Variants in THSD7A observed in about 807,000 individuals in gnomAD.
THSD7A encodes the protein thrombospondin type 1 domain containing 7A.
Under a neutral mutation model 231.3 loss-of-function variants are expected in THSD7A, and 96 were observed. The ratio of observed to expected loss-of-function variants is 0.41; its 90% CI spans 0.35 to 0.49. The LOEUF is 0.49. Among genes scored for constraint, THSD7A ranks in the 20% least tolerant of loss-of-function variants. The pLI, the probability that THSD7A is intolerant of heterozygous loss-of-function variation, is 0.05. For missense variants in THSD7A, 2,290 were observed against 2,070.2 expected (o/e 1.11, Z -2.06); for synonymous variants, 940 against 743.3 (o/e 1.26, Z -4.30).
rs551283791 is a variant in THSD7A, at chr7:11,667,619, A to G, written c.191-30658T>C. On this transcript the variant is annotated intron_variant, in intron 1 of 27. Coordinates refer to ENST00000423059, the MANE Select transcript of THSD7A (RefSeq NM_015204.3). ...CTTATAGACTATGACCACATTACAA[A>G]AATAGACTTCTGATGAAGGAGAGGT... Among the ~76,000 whole-genome samples the G allele has an allele frequency of 1.4e-4, 21 of 152,310 alleles. No homozygotes were observed. In the Middle Eastern group the frequency reaches 0.02, roughly 148 times the overall value.
intron 8 of THSD7A, among the ~76,000 whole-genome samples, chr7:11,473,336 G>T (rs1786013002): frequency 6.6e-6 from 1 of 152,048 alleles, no homozygotes; most frequent in African/African-American, 2.4e-5. Context: ...TTTATTGAGT[G>T]CTTAGATTAC....
intron 6 of THSD7A, among the ~76,000 whole-genome samples, chr7:11,486,694 C>T (rs1018573678): frequency 1.3e-5 from 2 of 152,142 alleles, no homozygotes; most frequent in Admixed American, 6.5e-5. Flanking sequence ...TGCTTCTCTT[C>T]GTGTATTCAT....
rs749119929 is a variant in THSD7A, at chr7:11,446,288, T to C, written c.2837A>G (p.His946Arg). 4.3e-6 allele frequency: 7 copies of C among 1,612,500 alleles called. No homozygotes were observed. In the South Asian group the frequency reaches 5.5e-5, roughly 13 times the overall value. Reference protein sequence around the residue: ...SKKKEKCKNSHLYPLIETQYC... With the variant: ...SKKKEKCKNSRLYPLIETQYC... The stretch of plus-strand genomic sequence containing the variant: ...CTGAGTCTCAATCAGGGGATACAAA[T>C]GGGAATTTTTACATTTTTCCTTCTT... Residue 946 changes from histidine to arginine, a missense_variant, in exon 13 of 28, where the codon CAT becomes CGT. His to Arg is a conservative substitution (Grantham distance 29). Transcript: ENST00000423059. This position sits in a 1 kb window ranked among gnomAD's most constrained non-coding sequence, Gnocchi z 4.0.
intron 2 of THSD7A, among the ~76,000 whole-genome samples, chr7:11,596,323 C>G (rs145974075): frequency 6.6e-6 from 1 of 152,188 alleles, no homozygotes; most frequent in Non-Finnish European, 1.5e-5. Flanking sequence ...GGACCCAAAA[C>G]ATCACTGTGG....
intron 1 of THSD7A, among the ~76,000 whole-genome samples, chr7:11,750,180 C>A (rs1782451959): frequency 6.6e-6 from 1 of 151,606 alleles, no homozygotes; most frequent in African/African-American, 2.4e-5. Context: ...TTCGATGAGA[C>A]AAGCATGTAG....
At chr7:11,543,844 T>C (rs26) in intron 4 of THSD7A, among the ~76,000 whole-genome samples, 99,475 of 151,946 alleles carry the variant, frequency 0.65, 32,976 homozygotes, top group Admixed American at 0.79. Context: ...AGTTTGGCTC[T>C]TTTGTATATA....
intron 4 of THSD7A, among the ~76,000 whole-genome samples, chr7:11,579,715 G>T (rs1285797394): frequency 3.9e-5 from 6 of 152,100 alleles, no homozygotes; most frequent in Admixed American, 3.3e-4. Context: ...ATCTAAAACT[G>T]GGGGGTCAAA....
At chr7:11,490,626 T>C (rs1786850593) in intron 6 of THSD7A, among the ~76,000 whole-genome samples, 1 of 152,092 alleles carries the variant, frequency 6.6e-6, no homozygotes, top group South Asian at 2.1e-4. Context: ...AATGTTTTAT[T>C]CCTTTTTTCC....
chr7:11,404,407 CA>C (rs1337267879), intron 22 of THSD7A, among the ~76,000 whole-genome samples: 2 of 152,184 alleles, frequency 1.3e-5, no homozygotes, highest in African/African-American at 4.8e-5. Flanking sequence ...GTGAATGTCA[CA>C]ACAATCCTAT....
intron 1 of THSD7A, among the ~76,000 whole-genome samples, chr7:11,782,710 C>T (rs1783671724): frequency 6.6e-6 from 1 of 152,114 alleles, no homozygotes; most frequent in Non-Finnish European, 1.5e-5. Flanking sequence ...GTTACTCTCT[C>T]CTACTTCTTA....
chr7:11,391,392 A>C (rs774355396), intron 23 of THSD7A, among the ~76,000 whole-genome samples: 1 of 152,100 alleles, frequency 6.6e-6, no homozygotes, highest in Non-Finnish European at 1.5e-5. Flanking sequence ...GACTTTATTT[A>C]CACTGTGAAG....
chr7:11,815,160 T>A (rs906352197), intron 1 of THSD7A, among the ~76,000 whole-genome samples: 1 of 151,958 alleles, frequency 6.6e-6, no homozygotes, highest in South Asian at 2.1e-4. Context: ...CCTGATATGA[T>A]TGTCAAAGGC....
At chr7:11,549,934 G>A (rs1048293789) in intron 4 of THSD7A, among the ~76,000 whole-genome samples, 2 of 151,974 alleles carry the variant, frequency 1.3e-5, no homozygotes, top group African/African-American at 4.8e-5. Context: ...ACAAACAAAT[G>A]AATGCCCACT....
rs141667131 is a variant in THSD7A at position 11,480,467 on chromosome 7, A to G, written c.2017+1321T>C. ...CCCAAGGCAAAATCTGAGCTGATAG[A>G]GTTTAAAGCCTTCATACAATCTTCA... On this transcript the variant is annotated intron_variant, in intron 7 of 27. Coordinates refer to ENST00000423059, the MANE Select transcript of THSD7A (RefSeq NM_015204.3). 2.0e-4 allele frequency among the ~76,000 whole-genome samples: 30 copies of G among 152,322 alleles called. No homozygotes were observed. In the East Asian group the frequency reaches 4.4e-3, roughly 23 times the overall value.
chr7:11,611,258 G>C (rs1268210628), intron 2 of THSD7A, among the ~76,000 whole-genome samples: 1 of 151,932 alleles, frequency 6.6e-6, no homozygotes, highest in Non-Finnish European at 1.5e-5. Context: ...TTTTAGAAGA[G>C]GGAAGCAATG....
At chr7:11,804,737 T>A (rs1784357440) in intron 1 of THSD7A, among the ~76,000 whole-genome samples, 1 of 152,210 alleles carries the variant, frequency 6.6e-6, no homozygotes, top group Non-Finnish European at 1.5e-5. Context: ...CCTTTAATGC[T>A]TTAAATATTG....
At chr7:11,645,204 A>G (rs1015268144) in intron 1 of THSD7A, among the ~76,000 whole-genome samples, 2 of 151,842 alleles carry the variant, frequency 1.3e-5, no homozygotes, top group Non-Finnish European at 2.9e-5. Context: ...TTAACATAAT[A>G]ATTTCCTCTC....
rs749595098 is a variant in THSD7A, at chr7:11,474,560, G to A, written c.2026C>T (p.Arg676Cys). The change falls in exon 8 of 28, where the codon CGC becomes TGC. Residue 676 changes from arginine to cysteine, a missense_variant. Physicochemically the swap from Arg to Cys is radical, Grantham distance 180. Coordinates refer to ENST00000423059, the MANE Select transcript of THSD7A (RefSeq NM_015204.3). The surrounding 1 kb of genome is among the most constrained non-coding windows in gnomAD (Gnocchi z 4.1). ...TGCAAAGCACTGCTATTTGGACAGC[G>A]AATTCCACCTAAAAACATGGACAAT... Reference protein sequence around the residue: ...LAYAGEEGGIRCPNSSALQEV... With the variant: ...LAYAGEEGGICCPNSSALQEV... The A allele has an allele frequency of 4.7e-5, 74 of 1,586,022 alleles. No homozygotes were observed. In the East Asian group the frequency reaches 9.6e-4, roughly 20 times the overall value.
chr7:11,685,120 G>A (rs1779990379), intron 1 of THSD7A, among the ~76,000 whole-genome samples: 2 of 151,796 alleles, frequency 1.3e-5, no homozygotes, highest in African/African-American at 2.4e-5. Flanking sequence ...GTAAATAATG[G>A]GGAAAGAACA....
Sources: gnomAD v4.1 joint callset for allele counts (sites outside exome capture counted in the v4.1 genomes callset) on GRCh38, gnomAD v4.1.1 for gene constraint, Gnocchi (gnomAD v3.1) non-coding constraint, MANE v1.5 for transcripts, NCBI Gene and HGNC (gene_info 2026-07-23, HGNC 2026-07-21) for gene names.